OPRM1: variants seen among roughly 807,000 people sequenced by gnomAD.
The protein encoded by OPRM1 is opioid receptor mu 1.
Under a neutral mutation model 31.8 loss-of-function variants are expected in OPRM1, and 27 were observed. That is an observed-to-expected ratio of 0.85 (90% CI 0.63 to 1.17). The LOEUF (loss-of-function observed/expected upper bound fraction) is 1.17, where lower values mean the gene tolerates loss of function less well. OPRM1 is among the 50% of genes most tolerant of loss of function. The pLI, the probability that OPRM1 is intolerant of heterozygous loss-of-function variation, is 0.00. For synonymous variants in OPRM1, 196 were observed against 189.9 expected (o/e 1.03, Z -0.26); for missense variants, 536 against 511.1 (o/e 1.05, Z -0.47).
intron 3 of OPRM1, among the ~76,000 whole-genome samples, chr6:154,239,527 T>C (rs549524264): frequency 6.6e-6 from 1 of 152,322 alleles, no homozygotes; most frequent in South Asian, 2.1e-4. Flanking sequence ...CTTTGATCCA[T>C]GAGTCATTGT....
At chr6:154,152,072 G>A (rs1207322376) in intron 3 of OPRM1, among the ~76,000 whole-genome samples, 2 of 150,538 alleles carry the variant, frequency 1.3e-5, no homozygotes, top group Non-Finnish European at 2.9e-5. Context: ...AGCTATTCAC[G>A]AAGCTGAAGA....
At chr6:154,234,524 C>T (rs769555198) in intron 3 of OPRM1, among the ~76,000 whole-genome samples, 3 of 152,216 alleles carry the variant, frequency 2.0e-5, no homozygotes, top group East Asian at 3.8e-4. Context: ...CCATGAACAG[C>T]CCAACTGCTC....
At chr6:154,087,126 G>T in intron 1 of OPRM1, 14 of 985,244 alleles carry the variant, frequency 1.4e-5, no homozygotes, top group African/African-American at 1.7e-5. Flanking sequence ...CCCAAAGTAA[G>T]TCCAAAAAAA....
At chr6:154,092,527 G>T (rs1792509882) in intron 3 of OPRM1, among the ~76,000 whole-genome samples, 1 of 152,166 alleles carries the variant, frequency 6.6e-6, no homozygotes, top group African/African-American at 2.4e-5. Flanking sequence ...GGACTGTGAG[G>T]ACAGATGGCT....
intron 3 of OPRM1, among the ~76,000 whole-genome samples, chr6:154,228,012 C>T (rs1427405117): frequency 2.6e-5 from 4 of 151,846 alleles, no homozygotes; most frequent in Non-Finnish European, 5.9e-5. Context: ...TCAAAAATGA[C>T]AATCACAGAG....
chr6:154,076,392 T>C (rs1171078194), intron 1 of OPRM1, among the ~76,000 whole-genome samples: 1 of 152,092 alleles, frequency 6.6e-6, no homozygotes, highest in Non-Finnish European at 1.5e-5. Flanking sequence ...GACAACCTAA[T>C]AAAAATGGTC....
chr6:154,145,952 G>T (rs922896329), intron 3 of OPRM1, among the ~76,000 whole-genome samples: 2 of 152,202 alleles, frequency 1.3e-5, no homozygotes, highest in Non-Finnish European at 2.9e-5. Flanking sequence ...AATAAACCTT[G>T]ATTCATAAGG....
chr6:154,216,776 G>A (rs1214725780), intron 3 of OPRM1, among the ~76,000 whole-genome samples: 1 of 152,294 alleles, frequency 6.6e-6, no homozygotes, highest in East Asian at 1.9e-4. Context: ...GCTGAGGCAG[G>A]AGAATCGCTT....
At position 154,152,389 on chromosome 6, in the gene OPRM1, A is replaced by AG. The variant is rs199983771; in HGVS notation, c.1164+60917_1164+60918insG. Among the ~76,000 whole-genome samples, 617 of 151,156 alleles carry AG rather than the reference A, an allele frequency of 4.1e-3. 17 individuals carry two copies. The highest frequency in any genetic ancestry group is 4.8e-3 in the African/African-American group (196 of 40,904). ...GAAAGAAAGAAAGAAAGAAAGAAAG[A>AG]AAGAGAAATAGTGTTCAGGTTGTGG... On this transcript the variant is annotated intron_variant, in intron 3 of 3. Transcript: ENST00000337049.
At chr6:154,075,108 A>G (rs1443756370) in intron 1 of OPRM1, among the ~76,000 whole-genome samples, 4 of 152,194 alleles carry the variant, frequency 2.6e-5, no homozygotes, top group Non-Finnish European at 5.9e-5. Context: ...AGAAAATGAT[A>G]TTTTTAAAGG....
At chr6:154,110,243 A>C (rs1796193734) in intron 3 of OPRM1, 1 of 582,770 alleles carries the variant, frequency 1.7e-6, no homozygotes, top group Admixed American at 3.5e-5. Flanking sequence ...ATATTACAAG[A>C]AAAAAATCTA....
At chr6:154,109,869 T>G (rs1796159005) in intron 3 of OPRM1, among the ~76,000 whole-genome samples, 1 of 150,908 alleles carries the variant, frequency 6.6e-6, no homozygotes, top group Non-Finnish European at 1.5e-5. Flanking sequence ...AAGCCAAAGT[T>G]CAGTTCTCCA....
chr6:154,106,650 A>G (rs1795619197), intron 3 of OPRM1, among the ~76,000 whole-genome samples: 1 of 152,196 alleles, frequency 6.6e-6, no homozygotes, highest in South Asian at 2.1e-4. Context: ...TCTTTTAAAC[A>G]ACCAGTTATT....
intron 3 of OPRM1, among the ~76,000 whole-genome samples, chr6:154,212,072 C>A (rs1044065769): frequency 6.6e-6 from 1 of 152,182 alleles, no homozygotes; most frequent in Non-Finnish European, 1.5e-5. Flanking sequence ...GCATTTAAAG[C>A]ACCTACATAC....
chr6:154,013,968 C>T (rs574100414), intron 1 of OPRM1, among the ~76,000 whole-genome samples: 6 of 152,108 alleles, frequency 3.9e-5, no homozygotes, highest in Admixed American at 2.0e-4. Flanking sequence ...GGTCATCCTA[C>T]GCATTGAGAG....
upstream of OPRM1, among the ~76,000 whole-genome samples, chr6:154,037,084 T>G (rs1779348746): frequency 6.6e-6 from 1 of 151,914 alleles, no homozygotes; most frequent in Admixed American, 6.6e-5. Context: ...AGATGTAACT[T>G]AAAAGTAAAA....
intron 1 of OPRM1, among the ~76,000 whole-genome samples, chr6:154,059,495 G>A (rs533112700): frequency 2.6e-5 from 4 of 152,230 alleles, no homozygotes; most frequent in African/African-American, 9.6e-5. Context: ...GAAAGCTGGA[G>A]ATCTAGTCAG....
chr6:154,174,108 A>G (rs1390778787), intron 3 of OPRM1, among the ~76,000 whole-genome samples: 3 of 152,206 alleles, frequency 2.0e-5, no homozygotes, highest in African/African-American at 7.2e-5. Flanking sequence ...AGTCCTTTAC[A>G]GACAAGCAAA....
In OPRM1 at chr6:154,100,055, T is replaced by C. The variant is rs977177731; in HGVS notation, c.1164+8583T>C. ...ATATTATCATATGATATATATCATATGATATATATCATGATATATATCATA... is the reference window on the plus strand; with the variant it reads ...ATATTATCATATGATATATATCATACGATATATATCATGATATATATCATA... On this transcript the variant is annotated intron_variant, in intron 3 of 3. Transcript: ENST00000330432. Among the ~76,000 whole-genome samples, 43 of 135,736 alleles carry C rather than the reference T, an allele frequency of 3.2e-4. 1 individual carries two copies. Among genetic ancestry groups the C allele is most frequent in the Admixed American group, 7.8e-4 (10 of 12,902 alleles). 89.0% of individuals were successfully genotyped at this position (135,736 alleles called of 152,430 possible).
Sources: gnomAD v4.1 joint callset for allele counts (sites outside exome capture counted in the v4.1 genomes callset) on GRCh38, gnomAD v4.1.1 for gene constraint, MANE v1.5 for transcripts, NCBI Gene and HGNC (gene_info 2026-07-23, HGNC 2026-07-21) for gene names.